MFSD8: variants seen among roughly 807,000 people sequenced by gnomAD.
MFSD8 encodes major facilitator superfamily domain containing 8.
MFSD8 carries 55 observed loss-of-function variants against 66.4 expected under a neutral mutation model. That is an observed-to-expected ratio of 0.83 (90% CI 0.67 to 1.04). MFSD8 has a LOEUF of 1.04. Among genes scored for constraint, MFSD8 ranks in the 50% least tolerant of loss-of-function variants. The pLI is 0.00. For missense variants in MFSD8, 550 were observed against 627.6 expected (o/e 0.88, Z 1.32); for synonymous variants, 202 against 212.8 (o/e 0.95, Z 0.44).
intron 1 of MFSD8, among the ~76,000 whole-genome samples, chr4:127,959,739 T>A (rs1743445405): frequency 6.6e-6 from 1 of 152,236 alleles, no homozygotes. Flanking sequence ...TCTATAGATT[T>A]AACATTTTTC....
At chr4:127,949,717 C>T (rs1371335727) in intron 3 of MFSD8, 87 bp downstream of exon 3, 2 of 1,115,096 alleles carry the variant, frequency 1.8e-6, no homozygotes, top group Non-Finnish European at 2.7e-6. Context: ...CCATAGAATA[C>T]CAAAGAGACT....
At chr4:127,940,905 T>C (rs1408796496) in intron 5 of MFSD8, among the ~76,000 whole-genome samples, 1 of 152,156 alleles carries the variant, frequency 6.6e-6, no homozygotes, top group African/African-American at 2.4e-5. Flanking sequence ...AAGCACACAA[T>C]AAATGTTAGT....
Position 127,918,149 on chromosome 4 carries a change from TTTCTC to T in MFSD8, c.*2476_*2480del, listed in dbSNP as rs1736016359. The T allele has an allele frequency of 6.6e-6, 1 of 152,192 alleles. No homozygotes were observed. The highest frequency in any genetic ancestry group is 2.4e-5 in the African/African-American group (1 of 41,448). 9.4% of individuals were successfully genotyped at this position (152,192 alleles called of 1,614,324 possible). A position where few individuals can be genotyped will look rare whatever the true frequency, so the allele number is the denominator to read the frequency against. ...TTTAAATTTGTTTTCAAAAACATAT[TTTCTC>T]TTCTTAAATATGTACTACTCTTAAC... On this transcript the variant is annotated 3_prime_UTR_variant, in exon 12 of 12. Coordinates refer to ENST00000641686, the MANE Select transcript of MFSD8 (RefSeq NM_001371596.2).
At chr4:127,939,379 C>T (rs1405960379) in intron 6 of MFSD8, 3 of 158,264 alleles carry the variant, frequency 1.9e-5, no homozygotes, top group African/African-American at 7.2e-5. Flanking sequence ...AATCCCAGCA[C>T]TTTGGGAGGC....
chr4:127,947,894 ACACACT>A (rs1365955843), intron 3 of MFSD8, among the ~76,000 whole-genome samples: 170 of 149,764 alleles, frequency 1.1e-3, no homozygotes, highest in African/African-American at 3.7e-3. Context: ...ACACACACAC[ACACACT>A]CTCTCTCCAA....
chr4:127,938,322 G>A (rs935124189), intron 7 of MFSD8, among the ~76,000 whole-genome samples: 4 of 151,880 alleles, frequency 2.6e-5, no homozygotes, highest in African/African-American at 7.3e-5. Context: ...ATTTGCTCAC[G>A]CCTGTAATCC....
At chr4:127,938,526 T>G (rs1739465772) in intron 7 of MFSD8, among the ~76,000 whole-genome samples, 1 of 149,090 alleles carries the variant, frequency 6.7e-6, no homozygotes, top group Non-Finnish European at 1.5e-5. Flanking sequence ...GAGCTTGCAG[T>G]GAGCAGAGAT....
chr4:127,923,793 G>C (rs1411311289), intron 9 of MFSD8, among the ~76,000 whole-genome samples: 1 of 149,844 alleles, frequency 6.7e-6, no homozygotes, highest in Non-Finnish European at 1.5e-5. Context: ...GTGTTGGCCA[G>C]GATGGTCTCG....
chr4:127,940,364 A>G (rs1055083756), intron 5 of MFSD8, among the ~76,000 whole-genome samples: 2 of 151,982 alleles, frequency 1.3e-5, no homozygotes, highest in Middle Eastern at 3.2e-3. Context: ...TGTATCTTAC[A>G]TAACTTCTCA....
In MFSD8 at chr4:127,920,564, G is replaced by C. The variant is rs1381539136; in HGVS notation, c.*66C>G. ...TCTTGGAGACTGGCTCACCGCAATT[G>C]TCTAGCAGAGCTTTAGACCAGGAAG... On this transcript the variant is annotated 3_prime_UTR_variant, in exon 12 of 12. Transcript: ENST00000641686. 3.3e-6 allele frequency: 5 copies of C among 1,527,112 alleles called. No homozygotes were observed. The highest frequency in any genetic ancestry group is 4.5e-6 in the Non-Finnish European group (5 of 1,104,420). 94.6% of individuals were successfully genotyped at this position (1,527,112 alleles called of 1,614,324 possible). A position where few individuals can be genotyped will look rare whatever the true frequency, so the allele number is the denominator to read the frequency against.
chr4:127,964,845 A>G, intron 1 of MFSD8: 1 of 617,870 alleles, frequency 1.6e-6, no homozygotes, highest in Non-Finnish European at 2.9e-6. Context: ...GGGTTTCTCC[A>G]GCCCCGTCAC....
intron 1 of MFSD8, among the ~76,000 whole-genome samples, chr4:127,963,075 G>A (rs1386617277): frequency 1.3e-5 from 2 of 152,064 alleles, no homozygotes; most frequent in African/African-American, 4.8e-5. Context: ...ATACATTCCC[G>A]AGTCACTGCC....
In MFSD8 at chr4:127,939,981, A is replaced by C; in HGVS notation, c.570T>G (p.Phe190Leu). ...FILGPVFQTC[F>L]TFLGEKGVTW... The stretch of plus-strand genomic sequence containing the variant: ...TCACACCTTTTTCTCCAAGGAATGT[A>C]AAACAAGTCTGAAAAACTTATTAAG... The change falls in exon 6 of 12, where the codon TTT (phenylalanine) becomes TTG (leucine). Residue 190 changes from phenylalanine to leucine, a missense_variant. Coordinates refer to ENST00000641686, the MANE Select transcript of MFSD8 (RefSeq NM_001371596.2). 1 of 1,613,360 alleles carries C rather than the reference A, an allele frequency of 6.2e-7. No homozygotes were observed. Among genetic ancestry groups the C allele is most frequent in the Middle Eastern group, 1.7e-4 (1 of 6,048 alleles).
intron 3 of MFSD8, among the ~76,000 whole-genome samples, chr4:127,948,368 G>A (rs1379954973): frequency 2.0e-5 from 3 of 152,176 alleles, no homozygotes; most frequent in African/African-American, 7.2e-5. Flanking sequence ...GTGGGGAGAA[G>A]TAATGCAAGA....
intron 6 of MFSD8, chr4:127,939,609 A>C: frequency 4.2e-6 from 1 of 236,124 alleles, no homozygotes. Context: ...TGTCTCAAAA[A>C]AAAAAAAAAA....
intron 2 of MFSD8, among the ~76,000 whole-genome samples, chr4:127,952,869 CAAAAAA>C: frequency 1.5e-5 from 1 of 65,290 alleles, no homozygotes. Context: ...GACTCCACCT[CAAAAAA>C]AAAAAAAAAA....
chr4:127,941,982 A>C, intron 5 of MFSD8, 63 bp downstream of exon 5: 1 of 1,271,400 alleles, frequency 7.9e-7, no homozygotes. Context: ...GTTACACTGA[A>C]TATTTAAGCC....
intron 2 of MFSD8, among the ~76,000 whole-genome samples, chr4:127,952,217 A>G (rs1742102745): frequency 6.6e-6 from 1 of 151,266 alleles, no homozygotes; most frequent in Non-Finnish European, 1.5e-5. Context: ...CATCCTGGCT[A>G]ACACAGTGAA....
chr4:127,951,285 A>T (rs2148948787), intron 2 of MFSD8, among the ~76,000 whole-genome samples: 1 of 152,170 alleles, frequency 6.6e-6, no homozygotes, highest in Non-Finnish European at 1.5e-5. Flanking sequence ...GCTGGAGTGT[A>T]GTGACCCGAT....
Sources: gnomAD v4.1 joint callset for allele counts (sites outside exome capture counted in the v4.1 genomes callset) on GRCh38, gnomAD v4.1.1 for gene constraint, MANE v1.5 for transcripts, NCBI Gene and HGNC (gene_info 2026-07-23, HGNC 2026-07-21) for gene names.